Variants in MROH2B observed in about 807,000 individuals in gnomAD.
MROH2B encodes maestro heat-like repeat-containing protein family member 2B.
Under a neutral mutation model 208.6 loss-of-function variants are expected in MROH2B, and 177 were observed. The observed-to-expected ratio is 0.85, with a 90% CI of 0.75 to 0.96. The LOEUF is 0.96. Among genes scored for constraint, MROH2B ranks in the 40% least tolerant of loss-of-function variants. The pLI is 0.00. For missense variants in MROH2B, 2,002 were observed against 1,878.7 expected (o/e 1.07, Z -1.21); for synonymous variants, 728 against 659.0 (o/e 1.10, Z -1.60).
At chr5:41,018,070 G>C (rs1742015192) in intron 27 of MROH2B, 100 bp from the exon 28 acceptor site, 6 of 1,424,930 alleles carry the variant, frequency 4.2e-6, no homozygotes, top group Admixed American at 2.7e-5. Flanking sequence ...TCTCTCTGCA[G>C]GTCCTTAGAA....
At chr5:41,060,251 C>A (rs1205360477) in intron 6 of MROH2B, among the ~76,000 whole-genome samples, 5 of 152,082 alleles carry the variant, frequency 3.3e-5, no homozygotes, top group Non-Finnish European at 7.4e-5. Flanking sequence ...ATTTCTATAG[C>A]CTCCTAGCAG....
In MROH2B at chr5:41,061,657, T is replaced by C. The variant is rs1270787191; in HGVS notation, c.528A>G (p.Arg176=). 6.2e-7 allele frequency: 1 copy of C among 1,613,926 alleles called. No individual in the cohort carries two copies. Among genetic ancestry groups the C allele is most frequent in the Admixed American group, 1.7e-5 (1 of 60,008 alleles). Reference sequence around the variant, plus strand: ...TGTCAGACAGTCGGTTGGCATCCAGTCTGGGGTAGGGAAAATCTCTCCAGT... The same window carrying C: ...TGTCAGACAGTCGGTTGGCATCCAGCCTGGGGTAGGGAAAATCTCTCCAGT... ...VNHWRDFPYP[R]LDANRLSDKI... is the part of the protein sequence containing the mutation. The change falls in exon 6 of 42, where the codon AGA becomes AGG. Residue 176 remains arginine (R), a synonymous_variant. Transcript: ENST00000399564.
intron 6 of MROH2B, 134 bp from the exon 7 acceptor site, chr5:41,058,337 C>A: frequency 2.4e-6 from 2 of 839,462 alleles, no homozygotes; most frequent in Non-Finnish European, 3.3e-6. Context: ...TCTTTAAATT[C>A]TTTAAAATCT....
At position 41,047,668 on chromosome 5, in the gene MROH2B, T is replaced by A. The variant is rs115347076; in HGVS notation, c.1728+53A>T. 2.0e-3 allele frequency: 3,071 copies of A among 1,498,184 alleles called. 56 individuals carry two copies. In the African/African-American group the frequency reaches 0.038, roughly 18 times the overall value. 92.8% of individuals were successfully genotyped at this position (1,498,184 alleles called of 1,614,324 possible). The stretch of plus-strand genomic sequence containing the variant: ...TTCCTTTAATTTAGGATGGGTAACT[T>A]CAGCTGATTTCATCATGCCATTATT... On this transcript the variant is annotated intron_variant, in intron 17 of 41. Transcript: ENST00000399564.
At position 41,058,082 on chromosome 5, in the gene MROH2B, AT is replaced by A; in HGVS notation, c.736del (p.Ile246LeufsTer9). ...WLLNQYKDKE[I>X]DFHVTQSLKQ... The stretch of plus-strand genomic sequence containing the variant: ...TCTTACCTGAGTGACATGGAAATCA[AT>A]CTCTTTGTCTTTATACTGGTTCAGG... On this transcript the variant is annotated frameshift_variant, in exon 7 of 42. Transcript: ENST00000399564. LOFTEE classifies it high-confidence loss of function. The A allele has an allele frequency of 6.3e-7, 1 of 1,592,808 alleles. No homozygotes were observed. The highest frequency in any genetic ancestry group is 8.5e-7 in the Non-Finnish European group (1 of 1,169,662).
At chr5:41,000,112 G>T in intron 39 of MROH2B, 108 bp downstream of exon 39, 2 of 1,433,138 alleles carry the variant, frequency 1.4e-6, no homozygotes, top group South Asian at 1.3e-5. Context: ...TCCTTCCAAG[G>T]CAGTTCTGGC....
At chr5:41,037,723 G>A (rs899068017) in intron 21 of MROH2B, among the ~76,000 whole-genome samples, 39 of 152,154 alleles carry the variant, frequency 2.6e-4, no homozygotes, top group Admixed American at 6.5e-5. Context: ...AGATGTGCAC[G>A]TAATCAATGA....
chr5:41,018,941 G>A lies in MROH2B; in HGVS notation c.2519C>T (p.Pro840Leu), dbSNP rs2111873321. 1.9e-6 allele frequency: 3 copies of A among 1,613,874 alleles called. No individual in the cohort carries two copies. Among genetic ancestry groups the A allele is most frequent in the Non-Finnish European group, 2.5e-6 (3 of 1,179,862 alleles). ...EENIRRLLPL[P>L]PLENLKSEGQ... ...TTCACTTTTCAGATTTTCCAGAGGT[G>A]GAAGGGGCAGCAGCCTCCGAATATT... Residue 840 changes from proline (P) to leucine (L), a missense_variant, in exon 25 of 42, where the codon CCA (proline) becomes CTA (leucine). Coordinates refer to ENST00000399564, the MANE Select transcript of MROH2B (RefSeq NM_173489.5).
intron 2 of MROH2B, among the ~76,000 whole-genome samples, chr5:41,068,435 G>A (rs927773376): frequency 6.6e-6 from 1 of 151,932 alleles, no homozygotes; most frequent in Non-Finnish European, 1.5e-5. Flanking sequence ...TTTTATTAAC[G>A]CTCACAAGTC....
At chr5:41,050,399 G>A (rs1368739337) in intron 13 of MROH2B, among the ~76,000 whole-genome samples, 1 of 152,154 alleles carries the variant, frequency 6.6e-6, no homozygotes, top group African/African-American at 2.4e-5. Flanking sequence ...TCTATGTCCA[G>A]TTTTGCTGAT....
intron 24 of MROH2B, among the ~76,000 whole-genome samples, chr5:41,019,782 T>C (rs1169230527): frequency 1.3e-5 from 2 of 152,244 alleles, no homozygotes; most frequent in Non-Finnish European, 2.9e-5. Flanking sequence ...GGGAAAGCTC[T>C]ATGTAGTCTT....
intron 33 of MROH2B, among the ~76,000 whole-genome samples, chr5:41,007,917 G>A (rs1200238697): frequency 1.3e-5 from 2 of 152,020 alleles, no homozygotes; most frequent in Non-Finnish European, 2.9e-5. Context: ...ACGTATTATT[G>A]GAACTATTAC....
At chr5:41,050,272 G>A (rs1743247203) in intron 13 of MROH2B, among the ~76,000 whole-genome samples, 1 of 152,060 alleles carries the variant, frequency 6.6e-6, no homozygotes, top group Admixed American at 6.6e-5. Context: ...GGCATTCCAG[G>A]CCCTTTAGGG....
chr5:41,029,691 A>C (rs926250907), intron 24 of MROH2B, among the ~76,000 whole-genome samples: 1 of 152,168 alleles, frequency 6.6e-6, no homozygotes, highest in Admixed American at 6.6e-5. Context: ...AATACAGGGA[A>C]AAGCTTGAAG....
In MROH2B at chr5:41,010,992, G is replaced by A. The variant is rs139883470; in HGVS notation, c.3136-913C>T. Among the ~76,000 whole-genome samples the A allele has an allele frequency of 5.3e-4, 80 of 152,290 alleles. 1 individual carries two copies. The East Asian group carries it at 0.012, about 22-fold the overall frequency. ...ATAAGAAAATGCTGAGATTTCTAGT[G>A]TAGGAGAATGGTCCAGGTTGGAGTG... is the stretch of plus-strand genomic sequence containing the variant. On this transcript the variant is annotated intron_variant, in intron 30 of 41. Transcript: ENST00000399564.
At chr5:41,042,906 ATTATT>A (rs1175479375) in intron 18 of MROH2B, among the ~76,000 whole-genome samples, 2 of 152,304 alleles carry the variant, frequency 1.3e-5, no homozygotes, top group African/African-American at 4.8e-5. Context: ...TGCCCAACCC[ATTATT>A]TTGAAGATGG....
At chr5:41,022,342 C>T (rs1301841437) in intron 24 of MROH2B, among the ~76,000 whole-genome samples, 1 of 152,214 alleles carries the variant, frequency 6.6e-6, no homozygotes, top group Non-Finnish European at 1.5e-5. Context: ...AATTGGGTCA[C>T]TCCTACCCTC....
At chr5:41,021,614 G>A (rs557349588) in intron 24 of MROH2B, among the ~76,000 whole-genome samples, 9 of 152,164 alleles carry the variant, frequency 5.9e-5, no homozygotes, top group East Asian at 1.9e-4. Flanking sequence ...ATGGTGGTGC[G>A]AACCTGTAAT....
intron 28 of MROH2B, among the ~76,000 whole-genome samples, chr5:41,016,289 C>T (rs548449220): frequency 1.1e-4 from 16 of 152,216 alleles, no homozygotes; most frequent in African/African-American, 3.9e-4. Context: ...TCTTTCTCTC[C>T]ACCAAGCTTG....
Sources: allele counts gnomAD v4.1 joint callset (sites outside exome capture counted in the v4.1 genomes callset), GRCh38; gene constraint gnomAD v4.1.1; transcripts MANE v1.5; gene names NCBI Gene and HGNC (gene_info 2026-07-23, HGNC 2026-07-21).